The following CNTN3 variants were observed in gnomAD, a reference collection of about 807,000 sequenced individuals.
CNTN3 encodes the protein contactin-3.
A neutral mutation model predicts 119.1 loss-of-function variants in CNTN3; 60 were observed. The ratio of observed to expected loss-of-function variants is 0.50; its 90% CI spans 0.41 to 0.62. The LOEUF (loss-of-function observed/expected upper bound fraction) is 0.62, where lower values mean the gene tolerates loss of function less well. Among genes scored for constraint, CNTN3 ranks in the 20% least tolerant of loss-of-function variants. The probability of loss-of-function intolerance (pLI) is 0.00; values close to 1 mark genes in which losing one functional copy is unlikely to be tolerated. For missense variants in CNTN3, 1,101 were observed against 1,242.4 expected (o/e 0.89, Z 1.71); for synonymous variants, 450 against 438.7 (o/e 1.03, Z -0.32).
chr3:74,563,000 T>C (rs1186494863), intron 1 of CNTN3, among the ~76,000 whole-genome samples: 3 of 152,164 alleles, frequency 2.0e-5, no homozygotes, highest in African/African-American at 7.2e-5. Context: ...CGGCTGCAGA[T>C]GTTCAGTCAA....
intron 19 of CNTN3, among the ~76,000 whole-genome samples, chr3:74,293,904 C>T (rs942423533): frequency 4.6e-5 from 7 of 152,212 alleles, no homozygotes; most frequent in Non-Finnish European, 8.8e-5. Flanking sequence ...GAAGTCTGAA[C>T]TGAGCCCTAA....
intron 1 of CNTN3, among the ~76,000 whole-genome samples, chr3:74,562,820 G>GAA (rs796243579): frequency 1.4e-5 from 2 of 144,696 alleles, no homozygotes; most frequent in Non-Finnish European, 3.0e-5. Flanking sequence ...TCAGACAGAA[G>GAA]AAAAAAAAAA....
At chr3:74,344,156 A>G (rs1703617305) in intron 11 of CNTN3, among the ~76,000 whole-genome samples, 1 of 152,176 alleles carries the variant, frequency 6.6e-6, no homozygotes, top group African/African-American at 2.4e-5. Context: ...TGCTTTGTAC[A>G]TAGTAGTTTT....
At chr3:74,384,188 A>T (rs945047559) in intron 5 of CNTN3, among the ~76,000 whole-genome samples, 4 of 152,256 alleles carry the variant, frequency 2.6e-5, no homozygotes, top group Admixed American at 6.5e-5. Context: ...AATAGAAGTT[A>T]TAAGAGCACT....
At chr3:74,603,833 G>T (rs1704950446) in intron 1 of CNTN3, among the ~76,000 whole-genome samples, 1 of 151,930 alleles carries the variant, frequency 6.6e-6, no homozygotes, top group African/African-American at 2.4e-5. Context: ...AATTTATATG[G>T]AATCACAAAA....
At chr3:74,576,289 A>G (rs1275970351) in intron 1 of CNTN3, among the ~76,000 whole-genome samples, 1 of 152,202 alleles carries the variant, frequency 6.6e-6, no homozygotes. Flanking sequence ...AAAACAACAC[A>G]GTCCCCTGAA....
intron 2 of CNTN3, among the ~76,000 whole-genome samples, chr3:74,517,585 C>T (rs1321293685): frequency 6.6e-6 from 1 of 151,806 alleles, no homozygotes; most frequent in South Asian, 2.1e-4. Flanking sequence ...CCCTACATTC[C>T]AGTAATTCAA....
chr3:74,448,787 C>T (rs1263653600), intron 4 of CNTN3, among the ~76,000 whole-genome samples: 1 of 152,092 alleles, frequency 6.6e-6, no homozygotes, highest in Non-Finnish European at 1.5e-5. Context: ...TGGTCCATTT[C>T]ATAACTATTT....
At chr3:74,552,046 G>T (rs1199870578) in intron 1 of CNTN3, among the ~76,000 whole-genome samples, 2 of 152,016 alleles carry the variant, frequency 1.3e-5, no homozygotes, top group Non-Finnish European at 2.9e-5. Context: ...TTACAGGTGT[G>T]AGCCACTGCG....
chr3:74,436,457 C>A (rs186275388), intron 4 of CNTN3, among the ~76,000 whole-genome samples: 2 of 152,262 alleles, frequency 1.3e-5, no homozygotes, highest in African/African-American at 4.8e-5. Context: ...TTGTCCAGGG[C>A]AAACAGAATG....
intron 5 of CNTN3, among the ~76,000 whole-genome samples, chr3:74,396,794 A>G (rs187806119): frequency 1.3e-5 from 2 of 151,514 alleles, no homozygotes; most frequent in East Asian, 3.9e-4. Flanking sequence ...GAGCTGTAGA[A>G]GAGAAGTTGG....
At chr3:74,531,999 A>C (rs1703699349) in intron 1 of CNTN3, among the ~76,000 whole-genome samples, 1 of 151,948 alleles carries the variant, frequency 6.6e-6, no homozygotes, top group South Asian at 2.1e-4. Context: ...GTTTTAAGTC[A>C]TAAAGAAACA....
chr3:74,549,140 G>C (rs1703953952), intron 1 of CNTN3, among the ~76,000 whole-genome samples: 1 of 152,264 alleles, frequency 6.6e-6, no homozygotes, highest in African/African-American at 2.4e-5. Flanking sequence ...TGGATCATGG[G>C]GGTGGTTTCC....
At chr3:74,597,184 C>CA (rs1704827538) in intron 1 of CNTN3, among the ~76,000 whole-genome samples, 1 of 152,064 alleles carries the variant, frequency 6.6e-6, no homozygotes, top group African/African-American at 2.4e-5. Flanking sequence ...TTCTCTAAAT[C>CA]AGACTCATAC....
At chr3:74,476,011 G>A (rs1027283807) in intron 4 of CNTN3, among the ~76,000 whole-genome samples, 2 of 152,152 alleles carry the variant, frequency 1.3e-5, no homozygotes, top group African/African-American at 4.8e-5. Flanking sequence ...CCCAGGTATA[G>A]TACTGAAATG....
At chr3:74,371,123 T>G in intron 6 of CNTN3, 73 bp downstream of exon 6, 3 of 1,068,782 alleles carry the variant, frequency 2.8e-6, no homozygotes, top group Non-Finnish European at 1.4e-6. Flanking sequence ...ACTTTTTACA[T>G]TTTCCCAATT....
intron 1 of CNTN3, among the ~76,000 whole-genome samples, chr3:74,549,807 A>C (rs370198061): frequency 1.3e-4 from 20 of 152,218 alleles, no homozygotes; most frequent in East Asian, 7.7e-4. Flanking sequence ...CTATGGTATT[A>C]GAACTACGAG....
rs1215584730 is a variant in CNTN3, at chr3:74,362,164, C to T, written c.1214-124G>A. ...ATTCAGGGTGTCAGTGCTTGATTTA[C>T]TTGGCTTATTGTGTGCCACACACAG... On this transcript the variant is annotated intron_variant, in intron 10 of 22. Transcript: ENST00000263665. 1.1e-4 allele frequency: 109 copies of T among 1,009,760 alleles called. No individual in the cohort carries two copies. The East Asian group carries it at 2.8e-3, about 26-fold the overall frequency. 62.6% of individuals were successfully genotyped at this position (1,009,760 alleles called of 1,614,324 possible). A position where few individuals can be genotyped will look rare whatever the true frequency, so the allele number is the denominator to read the frequency against.
chr3:74,300,802 C>G (rs1415229186), intron 16 of CNTN3, among the ~76,000 whole-genome samples: 3 of 151,922 alleles, frequency 2.0e-5, no homozygotes, highest in African/African-American at 7.3e-5. Flanking sequence ...CTCAATTGTC[C>G]CTATAATGTG....
Sources: allele counts gnomAD v4.1 joint callset (sites outside exome capture counted in the v4.1 genomes callset), GRCh38; gene constraint gnomAD v4.1.1; transcripts MANE v1.5; gene names NCBI Gene and HGNC (gene_info 2026-07-23, HGNC 2026-07-21).